Variants in PDE11A observed in about 807,000 individuals in gnomAD.
PDE11A encodes dual 3',5'-cyclic-AMP and -GMP phosphodiesterase 11A.
PDE11A carries 100 observed loss-of-function variants against 100.5 expected under a neutral mutation model. The observed-to-expected ratio is 1.00, with a 90% CI of 0.85 to 1.18. PDE11A has a LOEUF of 1.18. Among genes scored for constraint, PDE11A ranks in the 50% most tolerant of loss-of-function variants. The pLI is 0.00. For synonymous variants in PDE11A, 381 were observed against 420.8 expected (o/e 0.91, Z 1.16); for missense variants, 1,141 against 1,152.6 (o/e 0.99, Z 0.15).
intron 19 of PDE11A, among the ~76,000 whole-genome samples, chr2:177,660,100 TCTC>T (rs2080460124): frequency 3.3e-5 from 3 of 89,728 alleles, no homozygotes. Flanking sequence ...TCTTTCTTTC[TCTC>T]TCTCTCTCTT....
At chr2:177,706,576 C>T (rs1305311894) in intron 13 of PDE11A, among the ~76,000 whole-genome samples, 1 of 152,196 alleles carries the variant, frequency 6.6e-6, no homozygotes, top group Non-Finnish European at 1.5e-5. Context: ...TGCTAAAAAG[C>T]CTCTTTCAGC....
chr2:177,789,235 T>C (rs1411417635), intron 9 of PDE11A, among the ~76,000 whole-genome samples: 1 of 152,266 alleles, frequency 6.6e-6, no homozygotes, highest in South Asian at 2.1e-4. Context: ...TGGCTCAATA[T>C]ACACAAATCA....
rs184606528 is a variant in PDE11A at position 177,848,492 on chromosome 2, G to A, written c.1368-8109C>T. ...TCTTGTTATTTTGCTAGAAAAAGGG[G>A]TATAAGAAAATGTAGGTTTTTAAGT... On this transcript the variant is annotated intron_variant, in intron 5 of 19. Coordinates refer to ENST00000286063, the MANE Select transcript of PDE11A (RefSeq NM_016953.4). Among the ~76,000 whole-genome samples, 17 of 152,208 alleles carry A rather than the reference G, an allele frequency of 1.1e-4. No homozygotes were observed. In the East Asian group the frequency reaches 2.5e-3, roughly 22 times the overall value.
intron 9 of PDE11A, among the ~76,000 whole-genome samples, chr2:177,771,571 C>T (rs115407956): frequency 8.1e-4 from 123 of 152,230 alleles, no homozygotes; most frequent in African/African-American, 2.9e-3. Flanking sequence ...TCCTGCTTAA[C>T]GTAGAGGCTC....
chr2:178,093,655 G>A (rs910344930), intron 2 of PDE11A, among the ~76,000 whole-genome samples: 1 of 152,176 alleles, frequency 6.6e-6, no homozygotes, highest in East Asian at 1.9e-4. Context: ...CTAGACCAGA[G>A]TGAAATGACA....
intron 2 of PDE11A, among the ~76,000 whole-genome samples, chr2:177,960,227 A>T (rs536745005): frequency 2.0e-5 from 3 of 152,262 alleles, no homozygotes; most frequent in Non-Finnish European, 4.4e-5. Flanking sequence ...ACTTTAATTT[A>T]AAACCCTAAT....
chr2:177,684,027 A>G (rs1048186125), intron 15 of PDE11A, among the ~76,000 whole-genome samples: 2 of 152,246 alleles, frequency 1.3e-5, no homozygotes, highest in African/African-American at 4.8e-5. Flanking sequence ...TATTACTGCC[A>G]ACAATAATAC....
At chr2:177,938,748 T>C (rs1435448006) in intron 2 of PDE11A, among the ~76,000 whole-genome samples, 1 of 152,192 alleles carries the variant, frequency 6.6e-6, no homozygotes, top group Admixed American at 6.5e-5. Flanking sequence ...TGCTGAATTG[T>C]TTTCCCCCAC....
intron 10 of PDE11A, among the ~76,000 whole-genome samples, chr2:177,730,962 A>G (rs2081679624): frequency 6.6e-6 from 1 of 152,072 alleles, no homozygotes; most frequent in Non-Finnish European, 1.5e-5. Flanking sequence ...CCTCCCAGCT[A>G]CTGACAACCA....
At chr2:177,957,910 C>CT (rs748839068) in intron 2 of PDE11A, among the ~76,000 whole-genome samples, 9 of 114,482 alleles carry the variant, frequency 7.9e-5, no homozygotes, top group South Asian at 3.0e-4. Flanking sequence ...TTTCCAATGC[C>CT]TTTTTTTTGA....
At chr2:178,062,142 C>T (rs1230360322) in intron 1 of PDE11A, among the ~76,000 whole-genome samples, 1 of 152,130 alleles carries the variant, frequency 6.6e-6, no homozygotes, top group Non-Finnish European at 1.5e-5. Flanking sequence ...CAGCTTCCAG[C>T]TGTTCGTCTC....
intron 19 of PDE11A, among the ~76,000 whole-genome samples, chr2:177,649,931 A>G (rs1445323292): frequency 6.6e-6 from 1 of 152,228 alleles, no homozygotes; most frequent in African/African-American, 2.4e-5. Context: ...AGAAATATTA[A>G]ATCACCTGAT....
chr2:177,772,753 A>T (rs980385358), intron 9 of PDE11A, among the ~76,000 whole-genome samples: 2 of 151,986 alleles, frequency 1.3e-5, no homozygotes, highest in Non-Finnish European at 2.9e-5. Flanking sequence ...AAATTGAAAC[A>T]ATTTGAAACA....
chr2:177,869,362 G>T (rs1395162198), intron 5 of PDE11A, among the ~76,000 whole-genome samples: 1 of 152,194 alleles, frequency 6.6e-6, no homozygotes, highest in Admixed American at 6.5e-5. Context: ...GTTGTTGGCA[G>T]AATTCAACTC....
chr2:177,898,288 A>G lies in PDE11A; in HGVS notation c.1162-90T>C, dbSNP rs757468961. The G allele has an allele frequency of 7.6e-5, 62 of 811,966 alleles. 3 individuals carry two copies. The Middle Eastern group carries it at 0.011, about 145-fold the overall frequency. 50.3% of individuals were successfully genotyped at this position (811,966 alleles called of 1,614,324 possible). A position where few individuals can be genotyped will look rare whatever the true frequency, so the allele number is the denominator to read the frequency against. The stretch of plus-strand genomic sequence containing the variant: ...TAAAATTTAATCTTTGCTTCAATAA[A>G]ATATAGTAAATCTTTTTGTGTAGCT... On this transcript the variant is annotated intron_variant, in intron 3 of 19. Transcript: ENST00000286063.
chr2:177,773,612 A>G (rs1287754602), intron 9 of PDE11A, among the ~76,000 whole-genome samples: 2 of 152,182 alleles, frequency 1.3e-5, no homozygotes, highest in Non-Finnish European at 2.9e-5. Context: ...CTACCTAATT[A>G]GACAAAGTTA....
At chr2:177,944,740 G>A (rs1190855404) in intron 2 of PDE11A, among the ~76,000 whole-genome samples, 1 of 152,034 alleles carries the variant, frequency 6.6e-6, no homozygotes, top group East Asian at 1.9e-4. Flanking sequence ...CTGTGAGAGA[G>A]GGAGCGTGGA....
At chr2:178,036,943 A>G (rs911991388) in intron 1 of PDE11A, among the ~76,000 whole-genome samples, 2 of 152,186 alleles carry the variant, frequency 1.3e-5, no homozygotes, top group Admixed American at 6.5e-5. Flanking sequence ...AGGCAATACG[A>G]TTCAGGACAT....
intron 5 of PDE11A, among the ~76,000 whole-genome samples, chr2:177,857,689 C>T (rs2083865197): frequency 6.6e-6 from 1 of 151,898 alleles, no homozygotes. Context: ...TACTTTATCA[C>T]TAGTTACATT....
Sources: allele counts gnomAD v4.1 joint callset (sites outside exome capture counted in the v4.1 genomes callset), GRCh38; gene constraint gnomAD v4.1.1; transcripts MANE v1.5; gene names NCBI Gene and HGNC (gene_info 2026-07-23, HGNC 2026-07-21).